DENND1A: variants seen among roughly 807,000 people sequenced by gnomAD.
DENND1A encodes the protein DENN domain-containing protein 1A.
Under a neutral mutation model 113.7 loss-of-function variants are expected in DENND1A, and 51 were observed. The ratio of observed to expected loss-of-function variants is 0.45; its 90% CI spans 0.36 to 0.57. The LOEUF is 0.57. DENND1A is among the 20% of genes least tolerant of loss of function. The pLI is 0.00. For missense variants in DENND1A, 1,258 were observed against 1,395.9 expected (o/e 0.90, Z 1.57); for synonymous variants, 565 against 570.8 (o/e 0.99, Z 0.14).
chr9:123,613,009 G>A (rs1219172032), intron 10 of DENND1A, among the ~76,000 whole-genome samples: 3 of 152,100 alleles, frequency 2.0e-5, no homozygotes, highest in African/African-American at 4.8e-5. Flanking sequence ...TAGCATACCC[G>A]CTCTAGGATA....
chr9:123,594,618 A>C (rs2059603922), intron 11 of DENND1A, among the ~76,000 whole-genome samples: 1 of 151,836 alleles, frequency 6.6e-6, no homozygotes, highest in African/African-American at 2.4e-5. Context: ...ACTCCACTAA[A>C]ATTCCCAGGG....
Position 123,589,767 on chromosome 9 carries a change from T to A in DENND1A, c.766-6497A>T, listed in dbSNP as rs544457677. Among the ~76,000 whole-genome samples the A allele has an allele frequency of 6.5e-4, 98 of 151,846 alleles. 1 individual carries two copies. Among genetic ancestry groups the A allele is most frequent in the South Asian group, 1.7e-3 (8 of 4,818 alleles). On this transcript the variant is annotated intron_variant, in intron 11 of 23. Coordinates refer to ENST00000394215, the MANE Select transcript of DENND1A (RefSeq NM_001352964.2). ...TCCCATATATATTGTTAATGAAGAA[T>A]GTCTTCCTCTTTCTGCTTTGTCACA... is the stretch of plus-strand genomic sequence containing the variant.
chr9:123,811,128 C>T (rs752521356), intron 2 of DENND1A, among the ~76,000 whole-genome samples: 1 of 152,162 alleles, frequency 6.6e-6, no homozygotes, highest in Non-Finnish European at 1.5e-5. Flanking sequence ...TCAATCTGCT[C>T]TCTTCTACTC....
intron 11 of DENND1A, among the ~76,000 whole-genome samples, chr9:123,592,193 T>C (rs2059489509): frequency 6.6e-6 from 1 of 152,232 alleles, no homozygotes. Flanking sequence ...TTGCAAGTTA[T>C]GTCAATAAAA....
chr9:123,921,933 TC>T, intron 1 of DENND1A, among the ~76,000 whole-genome samples: 1 of 151,882 alleles, frequency 6.6e-6, no homozygotes. Flanking sequence ...TTTTCTTTTT[TC>T]TTTTTGAGAC....
At chr9:123,832,481 C>CA (rs1296409566) in intron 2 of DENND1A, among the ~76,000 whole-genome samples, 1 of 152,166 alleles carries the variant, frequency 6.6e-6, no homozygotes, top group Non-Finnish European at 1.5e-5. Flanking sequence ...TAAACATACA[C>CA]AAACAATATG....
At chr9:123,798,270 G>C (rs745837831) in intron 2 of DENND1A, 3 of 152,144 alleles carry the variant, frequency 2.0e-5, no homozygotes, top group Non-Finnish European at 4.4e-5. Flanking sequence ...CCTCAGTATG[G>C]CAAGCAATGG....
chr9:123,706,509 C>T (rs189419823), intron 5 of DENND1A, among the ~76,000 whole-genome samples: 1 of 151,734 alleles, frequency 6.6e-6, no homozygotes, highest in African/African-American at 2.4e-5. Context: ...CGGTGGCTCA[C>T]GCCTGTAATC....
intron 2 of DENND1A, among the ~76,000 whole-genome samples, chr9:123,823,123 A>T (rs1334910986): frequency 6.6e-6 from 1 of 152,242 alleles, no homozygotes; most frequent in Non-Finnish European, 1.5e-5. Context: ...GCAGTGAATA[A>T]AACACAGTCT....
At position 123,623,050 on chromosome 9, in the gene DENND1A, G is replaced by A. The variant is rs564065938; in HGVS notation, c.719+7326C>T. 2.9e-4 allele frequency among the ~76,000 whole-genome samples: 44 copies of A among 152,170 alleles called. No homozygotes were observed. In the South Asian group the frequency reaches 8.7e-3, roughly 30 times the overall value. On this transcript the variant is annotated intron_variant, in intron 10 of 23. Coordinates refer to ENST00000394215, the MANE Select transcript of DENND1A (RefSeq NM_001352964.2). ...GGCCTGGAAATGTCTTACTCCTTTC[G>A]TTTTCTCTGCCATCTGCTTTTGTTT...
intron 13 of DENND1A, 89 bp from the exon 14 acceptor site, chr9:123,457,986 G>A: frequency 1.0e-6 from 1 of 973,876 alleles, no homozygotes. Context: ...TTCTCCATCT[G>A]CTATTTTTTT....
chr9:123,645,634 G>A (rs1035282390), intron 9 of DENND1A, among the ~76,000 whole-genome samples: 1 of 152,152 alleles, frequency 6.6e-6, no homozygotes, highest in Non-Finnish European at 1.5e-5. Context: ...CTCCTCCAGA[G>A]AAGCTTCTAC....
At chr9:123,534,281 G>A (rs952680950) in intron 13 of DENND1A, among the ~76,000 whole-genome samples, 4 of 152,084 alleles carry the variant, frequency 2.6e-5, no homozygotes, top group African/African-American at 9.7e-5. Context: ...TACCACACAT[G>A]TATGTAGCTC....
chr9:123,617,310 A>G (rs1249124074), intron 10 of DENND1A, among the ~76,000 whole-genome samples: 1 of 152,218 alleles, frequency 6.6e-6, no homozygotes, highest in Non-Finnish European at 1.5e-5. Context: ...TTCGACAGCA[A>G]GAGCACGGGG....
At chr9:123,846,818 T>G (rs10818880) in intron 2 of DENND1A, among the ~76,000 whole-genome samples, 10,965 of 152,282 alleles carry the variant, frequency 0.072, 578 homozygotes, top group African/African-American at 0.15. Context: ...TTAATACCAC[T>G]AAATTTACAC....
chr9:123,516,300 C>T (rs1238894603), intron 13 of DENND1A, among the ~76,000 whole-genome samples: 1 of 151,560 alleles, frequency 6.6e-6, no homozygotes, highest in African/African-American at 2.4e-5. Flanking sequence ...GAATCCCAGT[C>T]CAGAAAGATG....
At chr9:123,607,001 T>C (rs997180737) in intron 11 of DENND1A, among the ~76,000 whole-genome samples, 1 of 152,164 alleles carries the variant, frequency 6.6e-6, no homozygotes, top group African/African-American at 2.4e-5. Context: ...CAAGCTAACA[T>C]GGGTCAGTGA....
chr9:123,420,070 C>A (rs1208529978), intron 19 of DENND1A, among the ~76,000 whole-genome samples: 1 of 152,184 alleles, frequency 6.6e-6, no homozygotes, highest in African/African-American at 2.4e-5. Flanking sequence ...GAGGGATATT[C>A]CTTGCAAGAT....
At chr9:123,517,816 T>C (rs1476385499) in intron 13 of DENND1A, among the ~76,000 whole-genome samples, 2 of 152,048 alleles carry the variant, frequency 1.3e-5, no homozygotes, top group Non-Finnish European at 2.9e-5. Flanking sequence ...AAAATGATAT[T>C]GACTGAACTC....
Sources: gnomAD v4.1 joint callset for allele counts (sites outside exome capture counted in the v4.1 genomes callset) on GRCh38, gnomAD v4.1.1 for gene constraint, MANE v1.5 for transcripts, NCBI Gene and HGNC (gene_info 2026-07-23, HGNC 2026-07-21) for gene names.